The following ANTXR1 variants were observed in gnomAD, a reference collection of about 807,000 sequenced individuals.
The protein encoded by ANTXR1 is ANTXR cell adhesion molecule 1, also known as anthrax toxin receptor 1.
ANTXR1 carries 19 observed loss-of-function variants against 78.1 expected under a neutral mutation model. That is an observed-to-expected ratio of 0.24 (90% CI 0.17 to 0.36). The LOEUF (loss-of-function observed/expected upper bound fraction) is 0.36. Ranked by LOEUF, ANTXR1 falls within the 10% of genes least tolerant of loss-of-function variation. The pLI, the probability that ANTXR1 is intolerant of heterozygous loss-of-function variation, is 1.00. For synonymous variants in ANTXR1, 273 were observed against 260.5 expected, an observed-to-expected ratio of 1.05 and a Z score of -0.46; for missense variants, 518 against 718.6, an observed-to-expected ratio of 0.72 and a Z score of 3.19.
chr2:69,056,174 C>G (rs1044985229), intron 3 of ANTXR1, among the ~76,000 whole-genome samples: 1 of 152,124 alleles, frequency 6.6e-6, no homozygotes, highest in Non-Finnish European at 1.5e-5. Context: ...TCAACAGAAC[C>G]AAAGAACAGT....
At chr2:69,229,395 A>C (rs1335046763) in intron 17 of ANTXR1, among the ~76,000 whole-genome samples, 1 of 152,198 alleles carries the variant, frequency 6.6e-6, no homozygotes, top group Non-Finnish European at 1.5e-5. Flanking sequence ...ATGAGCTTGT[A>C]TATATGGAGC....
chr2:69,039,643 T>C (rs1167519224), intron 1 of ANTXR1, among the ~76,000 whole-genome samples: 1 of 152,238 alleles, frequency 6.6e-6, no homozygotes, highest in Admixed American at 6.5e-5. Flanking sequence ...GTTTATCGTG[T>C]GTGCTAATTT....
chr2:69,084,408 A>T (rs1032487014), intron 8 of ANTXR1, among the ~76,000 whole-genome samples: 2 of 152,194 alleles, frequency 1.3e-5, no homozygotes, highest in Non-Finnish European at 2.9e-5. Context: ...CCTCCCTCAG[A>T]CAAAAACTTT....
intron 3 of ANTXR1, among the ~76,000 whole-genome samples, chr2:69,055,614 G>T (rs888376062): frequency 6.6e-6 from 1 of 152,108 alleles, no homozygotes; most frequent in African/African-American, 2.4e-5. Flanking sequence ...GAAGTGCCTT[G>T]TTAAAAGCAA....
At chr2:69,213,428 G>T (rs1232319362) in intron 17 of ANTXR1, among the ~76,000 whole-genome samples, 1 of 152,214 alleles carries the variant, frequency 6.6e-6, no homozygotes, top group Non-Finnish European at 1.5e-5. Flanking sequence ...CATAAAAATG[G>T]CCAGTCGGTT....
rs1673416916 is a variant in ANTXR1 at position 69,152,198 on chromosome 2, G to C, written c.981G>C (p.Leu327=). 1.2e-6 allele frequency: 2 copies of C among 1,614,006 alleles called. No homozygotes were observed. Among genetic ancestry groups the C allele is most frequent in the Middle Eastern group, 1.6e-4 (1 of 6,084 alleles). ...CSDGSILAIA[L]LILFLLLALA... is the part of the protein sequence containing the mutation. ...ACGGTTCCATCCTGGCCATCGCCCT[G>C]CTGATCCTGTTCCTGCTCCTAGCCC... The change falls in exon 13 of 18, where the codon CTG becomes CTC. Residue 327 remains leucine, a synonymous_variant. Coordinates refer to ENST00000303714, the MANE Select transcript of ANTXR1 (RefSeq NM_032208.3).
chr2:69,084,282 G>A (rs2104259341), intron 8 of ANTXR1, among the ~76,000 whole-genome samples: 1 of 152,306 alleles, frequency 6.6e-6, no homozygotes, highest in South Asian at 2.1e-4. Flanking sequence ...GTGGTTTAGT[G>A]GGGAAACAAA....
intron 3 of ANTXR1, among the ~76,000 whole-genome samples, chr2:69,057,944 T>C (rs1670112880): frequency 1.3e-5 from 2 of 152,132 alleles, no homozygotes; most frequent in African/African-American, 4.8e-5. Flanking sequence ...ATTTTAGTGG[T>C]TTGGATAGAA....
chr2:69,221,563 TG>T (rs1161019627), intron 17 of ANTXR1, among the ~76,000 whole-genome samples: 1 of 151,808 alleles, frequency 6.6e-6, no homozygotes, highest in Non-Finnish European at 1.5e-5. Context: ...AGAAGGTGGC[TG>T]GGGGTGACCC....
At chr2:69,207,226 A>G (rs1376979036) in intron 17 of ANTXR1, among the ~76,000 whole-genome samples, 1 of 152,244 alleles carries the variant, frequency 6.6e-6, no homozygotes, top group Non-Finnish European at 1.5e-5. Flanking sequence ...ACTTTACTCC[A>G]AAAGAATTCT....
At chr2:69,138,435 T>C (rs576427989) in intron 12 of ANTXR1, among the ~76,000 whole-genome samples, 2 of 152,144 alleles carry the variant, frequency 1.3e-5, no homozygotes, top group Non-Finnish European at 2.9e-5. Context: ...CTAATCAGGA[T>C]AGTATTTGGG....
At chr2:69,120,713 A>C (rs1672320812) in intron 10 of ANTXR1, among the ~76,000 whole-genome samples, 1 of 152,192 alleles carries the variant, frequency 6.6e-6, no homozygotes, top group African/African-American at 2.4e-5. Flanking sequence ...TAGGTACTAC[A>C]TGATCCTACA....
In ANTXR1 at chr2:69,212,138, A is replaced by G. The variant is rs1675056775; in HGVS notation, c.1434+18723A>G. On this transcript the variant is annotated intron_variant, in intron 17 of 17. Transcript: ENST00000303714. ...CTAATACCTTGCATATGGTAGAATT[A>G]GTAAATTCTTTATTAAAGAAGAAGA... is the stretch of plus-strand genomic sequence containing the variant. Among the ~76,000 whole-genome samples the G allele has an allele frequency of 1.3e-5, 2 of 152,274 alleles. 1 individual carries two copies. Among genetic ancestry groups the G allele is most frequent in the South Asian group, 4.1e-4 (2 of 4,834 alleles).
At chr2:69,085,123 A>T (rs1671011137) in intron 8 of ANTXR1, among the ~76,000 whole-genome samples, 1 of 152,100 alleles carries the variant, frequency 6.6e-6, no homozygotes, top group South Asian at 2.1e-4. Context: ...AGTCCTGAAG[A>T]TGTGTTTGAG....
At chr2:69,155,876 G>A (rs1201361291) in intron 13 of ANTXR1, among the ~76,000 whole-genome samples, 1 of 152,194 alleles carries the variant, frequency 6.6e-6, no homozygotes, top group African/African-American at 2.4e-5. Flanking sequence ...ATTCCGATTA[G>A]CAATGGGGAC....
chr2:69,031,212 G>A (rs1219310549), intron 1 of ANTXR1, among the ~76,000 whole-genome samples: 1 of 152,122 alleles, frequency 6.6e-6, no homozygotes, highest in African/African-American at 2.4e-5. Context: ...ACCAGGGTCA[G>A]CTTCATGGGC....
Position 69,245,528 on chromosome 2 carries a change from G to A in ANTXR1, c.*43G>A, listed in dbSNP as rs568861880. 8.7e-6 allele frequency: 14 copies of A among 1,611,406 alleles called. No individual in the cohort carries two copies. In the African/African-American group the frequency reaches 1.9e-4, roughly 22 times the overall value. ...CTGGGCTCTCTCAGAAACTTCAGGAGATGTTAGAACAAGTCTTTCCAGTTA... is the reference window on the plus strand; with the variant it reads ...CTGGGCTCTCTCAGAAACTTCAGGAAATGTTAGAACAAGTCTTTCCAGTTA... On this transcript the variant is annotated 3_prime_UTR_variant, in exon 18 of 18. Coordinates refer to ENST00000303714, the MANE Select transcript of ANTXR1 (RefSeq NM_032208.3).
At position 69,040,063 on chromosome 2, in the gene ANTXR1, C is replaced by A. The variant is rs925566851; in HGVS notation, c.172C>A (p.His58Asn). The A allele has an allele frequency of 1.2e-6, 2 of 1,613,228 alleles. No individual in the cohort carries two copies. Among genetic ancestry groups the A allele is most frequent in the African/African-American group, 2.7e-5 (2 of 74,854 alleles). ...ILDKSGSVLH[H>N]WNEIYYFVEQ... Reference sequence around the variant, plus strand: ...TCCTAGATCAGGAAGTGTGCTGCACCACTGGAATGAAATCTATTACTTTGT... The same window carrying A: ...TCCTAGATCAGGAAGTGTGCTGCACAACTGGAATGAAATCTATTACTTTGT... Residue 58 changes from histidine (H) to asparagine (N), a missense_variant, in exon 2 of 18, where the codon CAC becomes AAC. Physicochemically the swap from His to Asn is moderately conservative, Grantham distance 68. Coordinates refer to ENST00000303714, the MANE Select transcript of ANTXR1 (RefSeq NM_032208.3).
At chr2:69,037,697 T>C (rs908987703) in intron 1 of ANTXR1, among the ~76,000 whole-genome samples, 2 of 152,154 alleles carry the variant, frequency 1.3e-5, no homozygotes, top group African/African-American at 4.8e-5. Context: ...CTGGAACTCC[T>C]GACCTCAGGT....
Sources: allele counts gnomAD v4.1 joint callset (sites outside exome capture counted in the v4.1 genomes callset), GRCh38; gene constraint gnomAD v4.1.1; transcripts MANE v1.5; gene names NCBI Gene and HGNC (gene_info 2026-07-23, HGNC 2026-07-21).